Variants in PCDH15 observed in about 807,000 individuals in gnomAD.
The protein encoded by PCDH15 is protocadherin related 15.
Under a neutral mutation model 178.5 loss-of-function variants are expected in PCDH15, and 129 were observed. The ratio of observed to expected loss-of-function variants is 0.72; its 90% CI spans 0.63 to 0.84. PCDH15 has a LOEUF of 0.84. PCDH15 is among the 40% of genes least tolerant of loss of function. The pLI is 0.00. For missense variants in PCDH15, 2,230 were observed against 2,099.9 expected (o/e 1.06, Z -1.21); for synonymous variants, 800 against 732.0 (o/e 1.09, Z -1.50).
chr10:53,860,298 T>C (rs1263054166), intron 27 of PCDH15, among the ~76,000 whole-genome samples: 1 of 152,190 alleles, frequency 6.6e-6, no homozygotes, highest in Non-Finnish European at 1.5e-5. Context: ...AGTCGATTTC[T>C]CAGCCTTCTT....
intron 15 of PCDH15, among the ~76,000 whole-genome samples, chr10:54,126,215 C>T (rs983983332): frequency 1.3e-5 from 2 of 151,976 alleles, no homozygotes; most frequent in African/African-American, 4.8e-5. Flanking sequence ...GGATTACAAG[C>T]ATGCACCAAC....
chr10:53,990,167 C>A (rs2091367631), intron 21 of PCDH15, among the ~76,000 whole-genome samples: 1 of 152,090 alleles, frequency 6.6e-6, no homozygotes, highest in Non-Finnish European at 1.5e-5. Flanking sequence ...TTTACACTCT[C>A]TAGAGATCAA....
At chr10:55,119,561 A>G (rs1277373420) in intron 2 of PCDH15, among the ~76,000 whole-genome samples, 1 of 151,054 alleles carries the variant, frequency 6.6e-6, no homozygotes, top group Non-Finnish European at 1.5e-5. Flanking sequence ...TGCATATTCC[A>G]TATTGCATCT....
At position 54,988,458 on chromosome 10, in the gene PCDH15, A is replaced by G. The variant is rs145674222; in HGVS notation, c.-79-90958T>C. Among the ~76,000 whole-genome samples the G allele has an allele frequency of 5.7e-3, 875 of 152,330 alleles. 7 individuals are homozygous for G. Among genetic ancestry groups the G allele is most frequent in the African/African-American group, 0.02 (819 of 41,576 alleles). On this transcript the variant is annotated intron_variant, in intron 2 of 5. Transcript: ENST00000458638. ...TTGGAACTTCCTAGAGACTCATTAAATGGCTTTGGCCAAAAGGTTGATAGT... is the reference window on the plus strand; with the variant it reads ...TTGGAACTTCCTAGAGACTCATTAAGTGGCTTTGGCCAAAAGGTTGATAGT...
intron 3 of PCDH15, among the ~76,000 whole-genome samples, chr10:54,416,208 A>T (rs1023726216): frequency 2.0e-5 from 3 of 152,038 alleles, no homozygotes; most frequent in African/African-American, 7.2e-5. Context: ...CAGGTTTGTT[A>T]CAGAAGTATA....
chr10:55,391,806 T>G (rs185759454), intron 2 of PCDH15, among the ~76,000 whole-genome samples: 2 of 152,294 alleles, frequency 1.3e-5, no homozygotes, highest in African/African-American at 4.8e-5. Context: ...TTTTTAATAT[T>G]CTTCAATAAT....
chr10:55,252,548 T>C (rs1270630038), intron 1 of PCDH15, among the ~76,000 whole-genome samples: 1 of 152,142 alleles, frequency 6.6e-6, no homozygotes, highest in Non-Finnish European at 1.5e-5. Context: ...AAAGTTTTTT[T>C]CCTATAATTA....
chr10:54,649,506 A>C (rs2135158621), intron 2 of PCDH15, among the ~76,000 whole-genome samples: 1 of 152,244 alleles, frequency 6.6e-6, no homozygotes, highest in African/African-American at 2.4e-5. Flanking sequence ...CTTTTTAAAC[A>C]TTATCTATGC....
chr10:54,128,658 TCTTA>T (rs1445100468), intron 15 of PCDH15, among the ~76,000 whole-genome samples: 1 of 152,172 alleles, frequency 6.6e-6, no homozygotes, highest in Non-Finnish European at 1.5e-5. Context: ...TTGAGACCTC[TCTTA>T]CTTGGATTTT....
chr10:54,043,888 A>G (rs1472031781), intron 18 of PCDH15, among the ~76,000 whole-genome samples: 1 of 152,142 alleles, frequency 6.6e-6, no homozygotes, highest in African/African-American at 2.4e-5. Context: ...CCTGGAGATC[A>G]GGTAATGACT....
In PCDH15 at chr10:55,267,070, G is replaced by A. The variant is rs996807022; in HGVS notation, c.-156+52529C>T. On this transcript the variant is annotated intron_variant, in intron 1 of 5. Transcript: ENST00000458638. ...CATCGCATGCACTGTGAGGAGGACA[G>A]AGGAACTTTTCCCATTTCAAAAGGA... Among the ~76,000 whole-genome samples, 3 of 152,054 alleles carry A rather than the reference G, an allele frequency of 2.0e-5. No homozygotes were observed. The East Asian group carries it at 5.8e-4, about 29-fold the overall frequency.
At chr10:54,464,438 T>C (rs1157403830) in intron 3 of PCDH15, among the ~76,000 whole-genome samples, 3 of 152,198 alleles carry the variant, frequency 2.0e-5, no homozygotes, top group Non-Finnish European at 4.4e-5. Context: ...TACCTGGTTT[T>C]AAGCATTGAG....
chr10:54,085,180 A>G (rs2094496612), intron 16 of PCDH15, among the ~76,000 whole-genome samples: 1 of 152,090 alleles, frequency 6.6e-6, no homozygotes, highest in Admixed American at 6.6e-5. Context: ...TTAATTTTCA[A>G]TATAATCATA....
At chr10:53,886,231 C>A (rs1009022387) in intron 26 of PCDH15, among the ~76,000 whole-genome samples, 27 of 152,188 alleles carry the variant, frequency 1.8e-4, no homozygotes, top group African/African-American at 5.8e-4. Context: ...CATTTATATT[C>A]AGATAAAATT....
intron 1 of PCDH15, among the ~76,000 whole-genome samples, chr10:55,248,750 T>C (rs1474290152): frequency 6.6e-6 from 1 of 151,874 alleles, no homozygotes; most frequent in African/African-American, 2.4e-5. Context: ...AGAGACAGGG[T>C]TTTGCCATGT....
At chr10:55,343,021 A>C (rs185018102) in intron 2 of PCDH15, among the ~76,000 whole-genome samples, 4 of 152,274 alleles carry the variant, frequency 2.6e-5, no homozygotes, top group Admixed American at 2.0e-4. Context: ...GGGACCATGC[A>C]GGACACAACA....
chr10:54,095,960 T>C (rs1175417591), intron 15 of PCDH15, among the ~76,000 whole-genome samples: 1 of 152,114 alleles, frequency 6.6e-6, no homozygotes, highest in African/African-American at 2.4e-5. Context: ...AAATGACGCA[T>C]CCAAATAATG....
chr10:54,079,514 C>T lies in PCDH15; in HGVS notation c.1998-90G>A. 4.4e-6 allele frequency: 5 copies of T among 1,147,770 alleles called. 1 individual carries two copies. The South Asian group carries it at 6.1e-5, about 14-fold the overall frequency. 71.1% of individuals were successfully genotyped at this position (1,147,770 alleles called of 1,614,324 possible). A position where few individuals can be genotyped will look rare whatever the true frequency, so the allele number is the denominator to read the frequency against. ...TAGTATAGTGAATTACTTTTGATAG[C>T]TTTTTTTCCCCTCTCAGTAATCACA... On this transcript the variant is annotated intron_variant, in intron 16 of 37. Coordinates refer to ENST00000644397, the MANE Select transcript of PCDH15 (RefSeq NM_001384140.1).
At chr10:54,026,155 A>G (rs902243812) in intron 18 of PCDH15, among the ~76,000 whole-genome samples, 2 of 149,322 alleles carry the variant, frequency 1.3e-5, no homozygotes, top group African/African-American at 4.9e-5. Flanking sequence ...TGCAACCTTC[A>G]CCTCCCAGGC....
Sources: gnomAD v4.1 joint callset for allele counts (sites outside exome capture counted in the v4.1 genomes callset) on GRCh38, gnomAD v4.1.1 for gene constraint, MANE v1.5 for transcripts, NCBI Gene and HGNC (gene_info 2026-07-23, HGNC 2026-07-21) for gene names.